ADAMTS6: variants seen among roughly 807,000 people sequenced by gnomAD.
ADAMTS6 encodes the protein ADAM metallopeptidase with thrombospondin type 1 motif 6, also known as A disintegrin and metalloproteinase with thrombospondin motifs 6.
Under a neutral mutation model 144.3 loss-of-function variants are expected in ADAMTS6, and 23 were observed. That is an observed-to-expected ratio of 0.16 (90% CI 0.11 to 0.23). The LOEUF (loss-of-function observed/expected upper bound fraction) is 0.23, where lower values mean the gene tolerates loss of function less well. Ranked by LOEUF, ADAMTS6 falls within the 10% of genes least tolerant of loss-of-function variation. ADAMTS6 has a pLI of 1.00. For synonymous variants in ADAMTS6, 444 were observed against 457.5 expected, an observed-to-expected ratio of 0.97 and a Z score of 0.38; for missense variants, 999 against 1,379.6, an observed-to-expected ratio of 0.72 and a Z score of 4.37.
chr5:65,337,621 T>C (rs1747426944), intron 7 of ADAMTS6, among the ~76,000 whole-genome samples: 2 of 149,480 alleles, frequency 1.3e-5, no homozygotes, highest in Admixed American at 1.3e-4. Flanking sequence ...TCGATATAAC[T>C]CTCAGTCGTC....
intron 7 of ADAMTS6, among the ~76,000 whole-genome samples, chr5:65,446,411 A>C (rs1424658839): frequency 2.0e-5 from 3 of 152,204 alleles, no homozygotes; most frequent in Non-Finnish European, 4.4e-5. Context: ...CACCAAAGCA[A>C]ACAGTCATGA....
At chr5:65,160,570 C>T (rs1029609370) in intron 24 of ADAMTS6, among the ~76,000 whole-genome samples, 2 of 151,972 alleles carry the variant, frequency 1.3e-5, no homozygotes, top group Non-Finnish European at 2.9e-5. Flanking sequence ...TCCCAAAGTG[C>T]TGGGATTACA....
chr5:65,299,850 T>C (rs187901606), intron 10 of ADAMTS6, 135 bp downstream of exon 10: 87 of 939,956 alleles, frequency 9.3e-5, no homozygotes, highest in Non-Finnish European at 6.0e-6. Flanking sequence ...TATTAAAGTA[T>C]TTAGGAAAAA....
chr5:65,188,643 A>G (rs1273856184), intron 21 of ADAMTS6, among the ~76,000 whole-genome samples: 1 of 152,106 alleles, frequency 6.6e-6, no homozygotes, highest in Non-Finnish European at 1.5e-5. Context: ...GCATTTGCCA[A>G]TTTTTGTAGT....
chr5:65,461,958 A>C (rs568444348), intron 3 of ADAMTS6, among the ~76,000 whole-genome samples: 1 of 152,340 alleles, frequency 6.6e-6, no homozygotes, highest in African/African-American at 2.4e-5. Context: ...AGACATAATC[A>C]GAGTTGCTCT....
At chr5:65,345,895 A>G (rs1178538757) in intron 7 of ADAMTS6, among the ~76,000 whole-genome samples, 5 of 151,898 alleles carry the variant, frequency 3.3e-5, no homozygotes, top group African/African-American at 1.2e-4. Context: ...TACAGTACAT[A>G]GCTTATTATT....
At chr5:65,421,004 G>A (rs1463697149) in intron 7 of ADAMTS6, among the ~76,000 whole-genome samples, 1 of 152,148 alleles carries the variant, frequency 6.6e-6, no homozygotes, top group Non-Finnish European at 1.5e-5. Flanking sequence ...TTTGCTTTGT[G>A]ATTTTTAATC....
chr5:65,268,531 G>A (rs1761807514), intron 12 of ADAMTS6, among the ~76,000 whole-genome samples: 2 of 152,108 alleles, frequency 1.3e-5, no homozygotes, highest in South Asian at 4.1e-4. Flanking sequence ...CTGACCCATA[G>A]ACACACAGTA....
intron 7 of ADAMTS6, among the ~76,000 whole-genome samples, chr5:65,413,635 C>T (rs1755249177): frequency 6.6e-6 from 1 of 151,976 alleles, no homozygotes; most frequent in African/African-American, 2.4e-5. Context: ...GCACTTGTAA[C>T]CTGATGCCAT....
chr5:65,371,253 G>A (rs534768530), intron 7 of ADAMTS6, among the ~76,000 whole-genome samples: 3 of 152,314 alleles, frequency 2.0e-5, no homozygotes, highest in South Asian at 2.1e-4. Context: ...CACCAGCAAC[G>A]GAACAAAGCT....
intron 9 of ADAMTS6, among the ~76,000 whole-genome samples, chr5:65,317,092 T>C (rs995487899): frequency 2.0e-5 from 3 of 152,140 alleles, no homozygotes; most frequent in African/African-American, 7.2e-5. Flanking sequence ...TGTGAGCCAC[T>C]GCGCCTGGCT....
chr5:65,291,591 C>T (rs1000063810), intron 10 of ADAMTS6, 121 bp from the exon 11 acceptor site: 3 of 1,039,714 alleles, frequency 2.9e-6, no homozygotes, highest in Non-Finnish European at 1.3e-6. Flanking sequence ...ATACATTCTC[C>T]CAATAAATAA....
intron 7 of ADAMTS6, among the ~76,000 whole-genome samples, chr5:65,441,564 C>T (rs1757854796): frequency 6.6e-6 from 1 of 151,792 alleles, no homozygotes; most frequent in Admixed American, 6.6e-5. Context: ...CCATGACCAC[C>T]CAAATTAATC....
chr5:65,375,619 TGAA>T (rs1358006299), intron 7 of ADAMTS6, among the ~76,000 whole-genome samples: 2 of 151,988 alleles, frequency 1.3e-5, no homozygotes, highest in East Asian at 1.9e-4. Context: ...CAACAGGGGC[TGAA>T]GAAGATGTGG....
chr5:65,314,311 A>G (rs1166037603), intron 9 of ADAMTS6, among the ~76,000 whole-genome samples: 2 of 152,076 alleles, frequency 1.3e-5, no homozygotes, highest in African/African-American at 4.8e-5. Context: ...TGAAATACAG[A>G]GAGAAAAAAG....
At chr5:65,384,087 A>T (rs1752282842) in intron 7 of ADAMTS6, among the ~76,000 whole-genome samples, 2 of 152,146 alleles carry the variant, frequency 1.3e-5, no homozygotes, top group Admixed American at 6.5e-5. Context: ...AACCCCAAAG[A>T]TTACCAAAAT....
chr5:65,372,020 T>C (rs1429219405), intron 7 of ADAMTS6, among the ~76,000 whole-genome samples: 2 of 151,970 alleles, frequency 1.3e-5, no homozygotes, highest in South Asian at 2.1e-4. Context: ...TCCAGCCAAA[T>C]TAAGCTTCAT....
At chr5:65,411,565 A>T (rs981311666) in intron 7 of ADAMTS6, among the ~76,000 whole-genome samples, 1 of 152,008 alleles carries the variant, frequency 6.6e-6, no homozygotes, top group Non-Finnish European at 1.5e-5. Flanking sequence ...CCCATAGTCT[A>T]TCTGGTCCCT....
intron 7 of ADAMTS6, among the ~76,000 whole-genome samples, chr5:65,407,556 C>T (rs10074040): frequency 0.61 from 87,444 of 143,216 alleles, 28,084 homozygotes; most frequent in African/African-American, 0.84. Flanking sequence ...TTCTCATTGT[C>T]CAATTCCCAC....
Sources: allele counts gnomAD v4.1 joint callset (sites outside exome capture counted in the v4.1 genomes callset), GRCh38; gene constraint gnomAD v4.1.1; transcripts MANE v1.5; gene names NCBI Gene and HGNC (gene_info 2026-07-23, HGNC 2026-07-21).